Variants in CFDP1 observed in about 807,000 individuals in gnomAD.
CFDP1 encodes the protein heterochromatin-stabilizing protein CFDP1.
In CFDP1, 31 loss-of-function variants were observed where a neutral mutation model predicts 40.1. That is an observed-to-expected ratio of 0.77 (90% CI 0.58 to 1.04). CFDP1 has a LOEUF of 1.04. Ranked by LOEUF, CFDP1 falls within the 50% of genes least tolerant of loss-of-function variation. The pLI, the probability that CFDP1 is intolerant of heterozygous loss-of-function variation, is 0.00. For synonymous variants in CFDP1, 167 were observed against 120.0 expected (o/e 1.39, Z -2.56); for missense variants, 423 against 343.4 (o/e 1.23, Z -1.83).
chr16:75,328,299 C>T (rs1256134425), intron 5 of CFDP1, among the ~76,000 whole-genome samples: 3 of 149,836 alleles, frequency 2.0e-5, no homozygotes, highest in Non-Finnish European at 4.5e-5. Flanking sequence ...AAAGCTAGAG[C>T]GATGGCCGGG....
In CFDP1 at chr16:75,364,905, T is replaced by C. The variant is rs912558622; in HGVS notation, c.650+30185A>G. On this transcript the variant is annotated intron_variant, in intron 5 of 6. Coordinates refer to ENST00000283882, the MANE Select transcript of CFDP1 (RefSeq NM_006324.3). ...TTGAGAACCACTAAACATTTATAAA[T>C]GTATGTCAAGTGCTAAACACTGGCC... Among the ~76,000 whole-genome samples, 3 of 152,348 alleles carry C rather than the reference T, an allele frequency of 2.0e-5. No individual in the cohort carries two copies. In the East Asian group the frequency reaches 5.8e-4, roughly 29 times the overall value.
At chr16:75,363,942 A>AACACACACACACAAACAC in intron 5 of CFDP1, among the ~76,000 whole-genome samples, 1 of 142,942 alleles carries the variant, frequency 7.0e-6, no homozygotes, top group East Asian at 2.0e-4. Flanking sequence ...AAAGAGGTGA[A>AACACACACACACAAACAC]ACACACACAC....
chr16:75,432,370 TAAAAAAAAA>T (rs55961935), intron 1 of CFDP1, among the ~76,000 whole-genome samples: 2 of 105,582 alleles, frequency 1.9e-5, no homozygotes. Context: ...ATGCCATTTC[TAAAAAAAAA>T]AAAAAAAAAA....
At chr16:75,427,782 G>A (rs1423492837) in intron 1 of CFDP1, among the ~76,000 whole-genome samples, 1 of 152,142 alleles carries the variant, frequency 6.6e-6, no homozygotes, top group Non-Finnish European at 1.5e-5. Context: ...CACAGAAAAA[G>A]CTGTGTGTAA....
chr16:75,407,237 T>A lies in CFDP1; in HGVS notation c.530+4588A>T, dbSNP rs114514814. 4.5e-3 allele frequency among the ~76,000 whole-genome samples: 690 copies of A among 152,232 alleles called. 3 individuals are homozygous for A. Among genetic ancestry groups the A allele is most frequent in the African/African-American group, 0.015 (639 of 41,540 alleles). ...CAAAAACAAAAAATAATCCTAGTAC[T>A]TCCAGGCAAGAAAGCAATTTAACAT... On this transcript the variant is annotated intron_variant, in intron 4 of 6. Transcript: ENST00000283882.
chr16:75,307,615 C>A (rs879807800), intron 5 of CFDP1, among the ~76,000 whole-genome samples: 2 of 152,148 alleles, frequency 1.3e-5, no homozygotes, highest in Non-Finnish European at 2.9e-5. Context: ...CTAGAGTACA[C>A]CAGTGAAACC....
chr16:75,354,446 A>C (rs879852240), intron 5 of CFDP1, among the ~76,000 whole-genome samples: 3 of 152,178 alleles, frequency 2.0e-5, no homozygotes, highest in Admixed American at 2.0e-4. Flanking sequence ...GCCTAACTCC[A>C]GCCTTAAAGT....
intron 5 of CFDP1, among the ~76,000 whole-genome samples, chr16:75,328,182 C>T (rs1032933778): frequency 6.8e-6 from 1 of 147,194 alleles, no homozygotes; most frequent in African/African-American, 2.5e-5. Flanking sequence ...AGAGGTCTCA[C>T]TATGTTGCCC....
At chr16:75,366,587 T>G (rs76515528) in intron 5 of CFDP1, among the ~76,000 whole-genome samples, 1 of 151,928 alleles carries the variant, frequency 6.6e-6, no homozygotes, top group South Asian at 2.1e-4. Context: ...CGTGCCACTG[T>G]ACTCTAACCT....
intron 1 of CFDP1, among the ~76,000 whole-genome samples, chr16:75,417,265 A>G (rs950455707): frequency 6.6e-6 from 1 of 152,234 alleles, no homozygotes; most frequent in Admixed American, 6.5e-5. Context: ...CCCAGAATAT[A>G]TAATAGTTTA....
chr16:75,346,305 T>C (rs1192716096), intron 5 of CFDP1, among the ~76,000 whole-genome samples: 2 of 152,134 alleles, frequency 1.3e-5, no homozygotes, highest in African/African-American at 4.8e-5. Context: ...CAGGTAGGGC[T>C]GGGCATGGTG....
intron 4 of CFDP1, among the ~76,000 whole-genome samples, chr16:75,397,579 G>A (rs1158959670): frequency 1.3e-5 from 2 of 149,922 alleles, no homozygotes; most frequent in Non-Finnish European, 3.0e-5. Context: ...GAGGCGGGCA[G>A]ATTATGAGGT....
At position 75,334,546 on chromosome 16, in the gene CFDP1, G is replaced by T. The variant is rs1056874081; in HGVS notation, c.651-29364C>A. Among the ~76,000 whole-genome samples, 19 of 151,710 alleles carry T rather than the reference G, an allele frequency of 1.3e-4. 3 individuals carry two copies. The highest frequency in any genetic ancestry group is 5.9e-4 in the Admixed American group (9 of 15,136). ...GAGGAGGTTTCTATAAAGGAGGGAG[G>T]AAGAGAGAAGGGTGACTTAGGCATA... is the stretch of plus-strand genomic sequence containing the variant. On this transcript the variant is annotated intron_variant, in intron 5 of 6. Coordinates refer to ENST00000283882, the MANE Select transcript of CFDP1 (RefSeq NM_006324.3).
intron 5 of CFDP1, among the ~76,000 whole-genome samples, chr16:75,350,849 T>A (rs571244518): frequency 1.3e-5 from 2 of 152,106 alleles, no homozygotes; most frequent in Non-Finnish European, 2.9e-5. Flanking sequence ...AAATAAAAAT[T>A]TAAATGGGAA....
chr16:75,364,369 G>T (rs1166855247), intron 5 of CFDP1, among the ~76,000 whole-genome samples: 1 of 152,092 alleles, frequency 6.6e-6, no homozygotes, highest in African/African-American at 2.4e-5. Context: ...TATCCTTCCA[G>T]AGATATATTA....
chr16:75,362,801 C>G (rs753362794), intron 5 of CFDP1: 2 of 152,172 alleles, frequency 1.3e-5, no homozygotes, highest in African/African-American at 4.8e-5. Flanking sequence ...TTATACAGAA[C>G]AGACACTAAT....
chr16:75,348,147 A>T (rs1258956119), intron 5 of CFDP1, among the ~76,000 whole-genome samples: 1 of 152,192 alleles, frequency 6.6e-6, no homozygotes, highest in East Asian at 1.9e-4. Flanking sequence ...ACAAGGTCTC[A>T]CTTACTATGT....
rs972489974 is a variant in CFDP1, at chr16:75,326,735, T to C, written c.651-21553A>G. Among the ~76,000 whole-genome samples, 37 of 152,168 alleles carry C rather than the reference T, an allele frequency of 2.4e-4. 1 individual carries two copies. Among genetic ancestry groups the C allele is most frequent in the Non-Finnish European group, 4.4e-5 (3 of 68,034 alleles). On this transcript the variant is annotated intron_variant, in intron 5 of 6. Transcript: ENST00000283882. ...AGGAGAGCGGTAAAATGTGGTCATA[T>C]ATACAGATTCAAGACATCCAAATGG...
At chr16:75,398,513 GAT>G (rs2079017779) in intron 4 of CFDP1, among the ~76,000 whole-genome samples, 1 of 152,194 alleles carries the variant, frequency 6.6e-6, no homozygotes, top group African/African-American at 2.4e-5. Context: ...GCAAATAAAA[GAT>G]AATACAGCTT....
Sources: gnomAD v4.1 joint callset for allele counts (sites outside exome capture counted in the v4.1 genomes callset) on GRCh38, gnomAD v4.1.1 for gene constraint, MANE v1.5 for transcripts, NCBI Gene and HGNC (gene_info 2026-07-23, HGNC 2026-07-21) for gene names.